FOXJ3: variants seen among roughly 807,000 people sequenced by gnomAD.
The protein encoded by FOXJ3 is forkhead box J3, also known as forkhead box protein J3.
A neutral mutation model predicts 76.1 loss-of-function variants in FOXJ3; 22 were observed. That is an observed-to-expected ratio of 0.29 (90% CI 0.21 to 0.41). The LOEUF (loss-of-function observed/expected upper bound fraction) is 0.41, where lower values mean the gene tolerates loss of function less well. Among genes scored for constraint, FOXJ3 ranks in the 10% least tolerant of loss-of-function variants. The pLI is 1.00. For synonymous variants in FOXJ3, 269 were observed against 261.2 expected (o/e 1.03, Z -0.29); for missense variants, 613 against 762.1 (o/e 0.80, Z 2.30).
At chr1:42,267,066 C>G (rs757497944) in intron 3 of FOXJ3, among the ~76,000 whole-genome samples, 2 of 151,986 alleles carry the variant, frequency 1.3e-5, no homozygotes, top group Middle Eastern at 3.2e-3. Context: ...AGAAGAGGCG[C>G]GAAACTCTCA....
intron 5 of FOXJ3, among the ~76,000 whole-genome samples, chr1:42,217,119 C>T (rs1004421874): frequency 1.3e-5 from 2 of 152,042 alleles, no homozygotes; most frequent in African/African-American, 4.8e-5. Flanking sequence ...TATGACAAAT[C>T]GCAAGAGGCA....
intron 2 of FOXJ3, among the ~76,000 whole-genome samples, chr1:42,281,383 C>T (rs1652698985): frequency 6.6e-6 from 1 of 151,818 alleles, no homozygotes; most frequent in African/African-American, 2.4e-5. Context: ...GAAGGAAGAA[C>T]TTAGCAAGTC....
At chr1:42,305,853 TA>T (rs1026669101) in intron 2 of FOXJ3, among the ~76,000 whole-genome samples, 1 of 152,190 alleles carries the variant, frequency 6.6e-6, no homozygotes, top group African/African-American at 2.4e-5. Flanking sequence ...TTTAAATAAC[TA>T]AAAGAGTGTA....
intron 5 of FOXJ3, 28 bp downstream of exon 5, chr1:42,227,855 C>G: frequency 7.4e-7 from 1 of 1,357,710 alleles, no homozygotes; most frequent in Non-Finnish European, 1.0e-6. Context: ...CAATGCATTA[C>G]ACTAAATTTA....
At chr1:42,208,570 C>G (rs970972050) in intron 5 of FOXJ3, among the ~76,000 whole-genome samples, 1 of 152,112 alleles carries the variant, frequency 6.6e-6, no homozygotes, top group Admixed American at 6.5e-5. Flanking sequence ...ATAATAAGTC[C>G]ATAGCTAACA....
chr1:42,224,644 C>T (rs1647400049), intron 5 of FOXJ3, among the ~76,000 whole-genome samples: 1 of 150,996 alleles, frequency 6.6e-6, no homozygotes, highest in Admixed American at 6.6e-5. Context: ...TCTTTTGAGA[C>T]TCTGTCTCAA....
intron 5 of FOXJ3, among the ~76,000 whole-genome samples, chr1:42,216,411 G>T (rs921387742): frequency 6.6e-6 from 1 of 151,626 alleles, no homozygotes; most frequent in African/African-American, 2.4e-5. Flanking sequence ...CCAGCTACTC[G>T]GGAGGCTGAG....
intron 4 of FOXJ3, among the ~76,000 whole-genome samples, chr1:42,256,101 T>C (rs577034133): frequency 9.2e-5 from 14 of 152,286 alleles, no homozygotes; most frequent in African/African-American, 4.8e-5. Context: ...TATACATAAA[T>C]AGCAATTTGC....
chr1:42,268,753 A>G (rs538762022), intron 3 of FOXJ3, among the ~76,000 whole-genome samples: 34 of 152,310 alleles, frequency 2.2e-4, no homozygotes, highest in African/African-American at 8.2e-4. Flanking sequence ...TAACTTAAAG[A>G]TGTTACAATC....
chr1:42,296,140 TTTC>T (rs1256940918), intron 2 of FOXJ3, among the ~76,000 whole-genome samples: 2 of 152,362 alleles, frequency 1.3e-5, no homozygotes, highest in Non-Finnish European at 2.9e-5. Context: ...GGCACTTGTA[TTTC>T]TTCAAGAAAT....
chr1:42,318,239 TTAA>T (rs1655235729), intron 1 of FOXJ3, among the ~76,000 whole-genome samples: 1 of 152,144 alleles, frequency 6.6e-6, no homozygotes, highest in African/African-American at 2.4e-5. Context: ...ATAATCCAAT[TTAA>T]TAATGGGCAA....
At position 42,321,599 on chromosome 1, in the gene FOXJ3, CAAAGAA is replaced by C. The variant is rs368950864; in HGVS notation, c.-17-10495_-17-10490del. Among the ~76,000 whole-genome samples the C allele has an allele frequency of 9.7e-4, 148 of 152,240 alleles. 1 individual carries two copies. In the Middle Eastern group the frequency reaches 0.014, roughly 14 times the overall value. On this transcript the variant is annotated intron_variant, in intron 1 of 12. Coordinates refer to ENST00000361346, the MANE Select transcript of FOXJ3 (RefSeq NM_014947.5). ...AGTACTTATTAAGCACCCAGTATTACAAAGAAAAAGAAGACAGTATGACTTTTGCTC... is the reference window on the plus strand; with the variant it reads ...AGTACTTATTAAGCACCCAGTATTACAAAGAAGACAGTATGACTTTTGCTC...
Position 42,179,618 on chromosome 1 carries a change from C to G in FOXJ3, c.*92G>C, listed in dbSNP as rs1056182737. On this transcript the variant is annotated 3_prime_UTR_variant, in exon 13 of 13. Coordinates refer to ENST00000361346, the MANE Select transcript of FOXJ3 (RefSeq NM_014947.5). Reference sequence around the variant, plus strand: ...TTGATAACATTGGTAAAGTGATTAGCAAGTTTGTTTTCTCAACTGGATTCT... The same window carrying G: ...TTGATAACATTGGTAAAGTGATTAGGAAGTTTGTTTTCTCAACTGGATTCT... 4.0e-6 allele frequency: 3 copies of G among 743,508 alleles called. No individual in the cohort carries two copies. The highest frequency in any genetic ancestry group is 4.7e-6 in the Non-Finnish European group (2 of 427,168). 46.1% of individuals were successfully genotyped at this position (743,508 alleles called of 1,614,324 possible).
Position 42,311,045 on chromosome 1 carries a change from C to A in FOXJ3, c.44+5G>T. 6.4e-7 allele frequency: 1 copy of A among 1,567,486 alleles called. No homozygotes were observed. The highest frequency in any genetic ancestry group is 8.7e-7 in the Non-Finnish European group (1 of 1,155,754). The stretch of plus-strand genomic sequence containing the variant: ...CTAATAAAGAAAAAAAAAAAGAGCA[C>A]TCACCTTAATGAAGTTACAGATGGA... On this transcript the variant is annotated splice_donor_5th_base_variant and intron_variant, in intron 2 of 12. Coordinates refer to ENST00000361346, the MANE Select transcript of FOXJ3 (RefSeq NM_014947.5).
At chr1:42,298,664 G>A (rs1653943785) in intron 2 of FOXJ3, among the ~76,000 whole-genome samples, 1 of 151,656 alleles carries the variant, frequency 6.6e-6, no homozygotes, top group African/African-American at 2.4e-5. Flanking sequence ...ATTTAGGTCT[G>A]CTCTGATCTT....
intron 3 of FOXJ3, 45 bp downstream of exon 3, chr1:42,278,303 T>C (rs1438300069): frequency 1.6e-6 from 2 of 1,285,066 alleles, no homozygotes; most frequent in Non-Finnish European, 2.2e-6. Context: ...GAAATCAACA[T>C]CATTGCTTAC....
Position 42,177,487 on chromosome 1 carries a change from C to T in FOXJ3, c.*2223G>A, listed in dbSNP as rs933199076. The T allele has an allele frequency of 6.6e-6, 1 of 152,460 alleles. No homozygotes were observed. Among genetic ancestry groups the T allele is most frequent in the African/African-American group, 2.4e-5 (1 of 41,394 alleles). 9.4% of individuals were successfully genotyped at this position (152,460 alleles called of 1,614,324 possible). ...TCTAGAAAACAGTGACTTAAGCAAA[C>T]CATTGAAAATCACCCCTCTTTTTTC... is the stretch of plus-strand genomic sequence containing the variant. On this transcript the variant is annotated 3_prime_UTR_variant, in exon 13 of 13. Coordinates refer to ENST00000361346, the MANE Select transcript of FOXJ3 (RefSeq NM_014947.5).
chr1:42,278,313 C>A, intron 3 of FOXJ3, 35 bp downstream of exon 3: 1 of 1,388,886 alleles, frequency 7.2e-7, no homozygotes, highest in South Asian at 1.3e-5. Flanking sequence ...TCATTGCTTA[C>A]TTCATAAAAG....
At chr1:42,332,768 T>G (rs937778766) in intron 1 of FOXJ3, among the ~76,000 whole-genome samples, 2 of 152,186 alleles carry the variant, frequency 1.3e-5, no homozygotes, top group Non-Finnish European at 2.9e-5. Flanking sequence ...TTGATATCAT[T>G]TGTACATTGC....
Sources: allele counts gnomAD v4.1 joint callset (sites outside exome capture counted in the v4.1 genomes callset), GRCh38; gene constraint gnomAD v4.1.1; transcripts MANE v1.5; gene names NCBI Gene and HGNC (gene_info 2026-07-23, HGNC 2026-07-21).